TGM3: variants seen among roughly 807,000 people sequenced by gnomAD.
TGM3 encodes protein-glutamine gamma-glutamyltransferase E.
TGM3 carries 52 observed loss-of-function variants against 73.8 expected under a neutral mutation model. That is an observed-to-expected ratio of 0.70 (90% CI 0.56 to 0.89). TGM3 has a LOEUF of 0.89. Ranked by LOEUF, TGM3 falls within the 40% of genes least tolerant of loss-of-function variation. The pLI is 0.00. For synonymous variants in TGM3, 372 were observed against 354.9 expected (o/e 1.05, Z -0.54); for missense variants, 928 against 909.9 (o/e 1.02, Z -0.26).
intron 7 of TGM3, among the ~76,000 whole-genome samples, chr20:2,321,624 C>T (rs930917002): frequency 2.6e-5 from 4 of 152,042 alleles, no homozygotes; most frequent in Non-Finnish European, 4.4e-5. Context: ...ATGAGAGCAG[C>T]GGAAATCTGC....
At chr20:2,297,972 C>A (rs1356015143) in intron 1 of TGM3, among the ~76,000 whole-genome samples, 1 of 151,934 alleles carries the variant, frequency 6.6e-6, no homozygotes, top group African/African-American at 2.4e-5. Flanking sequence ...CTACGGGGAC[C>A]AACAAGAGAA....
chr20:2,314,507 C>T lies in TGM3; in HGVS notation c.669+1481C>T, dbSNP rs1219689063. On this transcript the variant is annotated intron_variant, in intron 5 of 12. Coordinates refer to ENST00000381458, the MANE Select transcript of TGM3 (RefSeq NM_003245.4). ...AGGAGTGTGAGACCAGCCTGGACAA[C>T]ATAGTGAGACCTCATCTACACATAC... Among the ~76,000 whole-genome samples, 3 of 148,860 alleles carry T rather than the reference C, an allele frequency of 2.0e-5. 1 individual carries two copies. In the South Asian group the frequency reaches 6.5e-4, roughly 32 times the overall value.
intron 7 of TGM3, among the ~76,000 whole-genome samples, chr20:2,319,108 G>A (rs2084250364): frequency 6.6e-6 from 1 of 152,222 alleles, no homozygotes; most frequent in Non-Finnish European, 1.5e-5. Context: ...TCATGAATGA[G>A]TGTCTTCTTT....
rs2084373314 is a variant in TGM3, at chr20:2,340,113, G to A, written c.1934+126G>A. The A allele has an allele frequency of 1.7e-5, 21 of 1,221,860 alleles. No individual in the cohort carries two copies. The South Asian group carries it at 2.9e-4, about 17-fold the overall frequency. The allele number at this position is 1,221,860 out of a possible 1,614,324, so 75.7% of individuals were successfully genotyped here. A position where few individuals can be genotyped will look rare whatever the true frequency, so the allele number is the denominator to read the frequency against. ...GGTTCTTTACTCTTTTGGGGGTCTT[G>A]GAACTCTAGAATCTGCTTTTGCATT... On this transcript the variant is annotated intron_variant, in intron 12 of 12. Transcript: ENST00000381458.
At chr20:2,338,357 GA>G (rs923602925) in intron 11 of TGM3, among the ~76,000 whole-genome samples, 2 of 151,190 alleles carry the variant, frequency 1.3e-5, no homozygotes, top group Admixed American at 6.6e-5. Flanking sequence ...ATTAAAAAAA[GA>G]AAAAAAAGCA....
rs1600709011 is a variant in TGM3, at chr20:2,334,979, C to A, written c.1643-137C>A. 2.7e-6 allele frequency: 3 copies of A among 1,112,704 alleles called. No homozygotes were observed. The African/African-American group carries it at 4.7e-5, about 17-fold the overall frequency. 68.9% of individuals were successfully genotyped at this position (1,112,704 alleles called of 1,614,324 possible). A position where few individuals can be genotyped will look rare whatever the true frequency, so the allele number is the denominator to read the frequency against. ...GGGACGCTTCCCACAGGACCTGGCC[C>A]AAGGAGGGCTCAGTCAAGCCCGGGG... is the stretch of plus-strand genomic sequence containing the variant. On this transcript the variant is annotated intron_variant, in intron 10 of 12. Transcript: ENST00000381458. This position sits in a 1 kb window ranked among gnomAD's most constrained non-coding sequence, Gnocchi z 4.0.
At chr20:2,323,031 T>C (rs1486904218) in intron 7 of TGM3, among the ~76,000 whole-genome samples, 2 of 152,234 alleles carry the variant, frequency 1.3e-5, no homozygotes, top group Non-Finnish European at 2.9e-5. Context: ...AGCTTTATCA[T>C]ACATCTACAT....
At chr20:2,330,179 A>G (rs1186280670) in intron 9 of TGM3, among the ~76,000 whole-genome samples, 1 of 152,214 alleles carries the variant, frequency 6.6e-6, no homozygotes, top group African/African-American at 2.4e-5. Flanking sequence ...AGGGCCCCAG[A>G]GAGGAAAAGC....
At chr20:2,317,295 T>C (rs1219627798) in intron 6 of TGM3, 50 bp downstream of exon 6, 2 of 1,613,876 alleles carry the variant, frequency 1.2e-6, no homozygotes, top group Admixed American at 3.3e-5. Context: ...GGCAGTGGGC[T>C]ATGCCAAGGT....
At chr20:2,316,436 GC>G (rs1568626428) in intron 5 of TGM3, among the ~76,000 whole-genome samples, 1 of 55,684 alleles carries the variant, frequency 1.8e-5, no homozygotes, top group African/African-American at 4.6e-5. Flanking sequence ...ATGGTGGCAC[GC>G]ATTAACACCA....
In TGM3 at chr20:2,340,871, A is replaced by G. The variant is rs1166532502; in HGVS notation, c.*290A>G. On this transcript the variant is annotated 3_prime_UTR_variant, in exon 13 of 13. Coordinates refer to ENST00000381458, the MANE Select transcript of TGM3 (RefSeq NM_003245.4). The stretch of plus-strand genomic sequence containing the variant: ...CCCTGCTCATTCCTCACGCCCTTCA[A>G]TGCTGCAGGATGGACTGGCCCCTGA... 7 of 540,796 alleles carry G rather than the reference A, an allele frequency of 1.3e-5. No homozygotes were observed. The highest frequency in any genetic ancestry group is 4.5e-5 in the Admixed American group (2 of 44,876). The allele number at this position is 540,796 out of a possible 1,614,324, so 33.5% of individuals were successfully genotyped here. A position where few individuals can be genotyped will look rare whatever the true frequency, so the allele number is the denominator to read the frequency against.
At position 2,309,781 on chromosome 20, in the gene TGM3, G is replaced by A; in HGVS notation, c.132G>A (p.Met44Ile). Residue 44 changes from methionine (M) to isoleucine (I), a missense_variant, in exon 2 of 13, where the codon ATG (methionine) becomes ATA (isoleucine). By Grantham distance (10) the Met-to-Ile change is conservative. Transcript: ENST00000381458. ...AAAACTTCCAGGTCTTAATGATCAT[G>A]AACAAAGGCCTTGGCTCTAACGAAA... ...RGQNFQVLMI[M>I]NKGLGSNERL... 6.2e-7 allele frequency: 1 copy of A among 1,614,202 alleles called. No individual in the cohort carries two copies. Among genetic ancestry groups the A allele is most frequent in the South Asian group, 1.1e-5 (1 of 91,086 alleles).
chr20:2,297,865 GC>G (rs2122201318), intron 1 of TGM3, among the ~76,000 whole-genome samples: 1 of 152,320 alleles, frequency 6.6e-6, no homozygotes, highest in South Asian at 2.1e-4. Flanking sequence ...GTCCTCGGTA[GC>G]TTTTAGTCTG....
intron 1 of TGM3, among the ~76,000 whole-genome samples, chr20:2,303,115 A>G (rs2122209971): frequency 6.6e-6 from 1 of 152,268 alleles, no homozygotes; most frequent in East Asian, 1.9e-4. Flanking sequence ...GATGGCCAAC[A>G]TGGCGAAACC....
At position 2,328,310 on chromosome 20, in the gene TGM3, G is replaced by A. The variant is rs1446142638; in HGVS notation, c.1278G>A (p.Lys426=). 1.1e-5 allele frequency: 18 copies of A among 1,614,166 alleles called. No homozygotes were observed. The highest frequency in any genetic ancestry group is 1.5e-5 in the Non-Finnish European group (18 of 1,180,040). The change falls in exon 9 of 13, where the codon AAG becomes AAA. Residue 426 remains lysine, a synonymous_variant. Coordinates refer to ENST00000381458, the MANE Select transcript of TGM3 (RefSeq NM_003245.4). This position sits in a 1 kb window ranked among gnomAD's most constrained non-coding sequence, Gnocchi z 5.2. ...CCATTGGCAGGTACATCAGCACCAA[G>A]GCGGTGGGCAGCAATGCTCGCATGG... ...SHTIGRYIST[K]AVGSNARMDV... is the part of the protein sequence containing the mutation.
chr20:2,305,737 C>T (rs145527696), intron 1 of TGM3, among the ~76,000 whole-genome samples: 2 of 152,300 alleles, frequency 1.3e-5, no homozygotes, highest in African/African-American at 4.8e-5. Context: ...AGTGCAAATG[C>T]GAGCTCTGGA....
chr20:2,334,259 T>C lies in TGM3; in HGVS notation c.1643-857T>C, dbSNP rs970324032. ...TGTTTTGTCTGCAGAACAAGAAGTG[T>C]GGAAGGTTCTTTTAAGGGACAGGTG... On this transcript the variant is annotated intron_variant, in intron 10 of 12. Coordinates refer to ENST00000381458, the MANE Select transcript of TGM3 (RefSeq NM_003245.4). This position sits in a 1 kb window ranked among gnomAD's most constrained non-coding sequence, Gnocchi z 4.0. 6.6e-6 allele frequency among the ~76,000 whole-genome samples: 1 copy of C among 152,082 alleles called. No individual in the cohort carries two copies. Among genetic ancestry groups the C allele is most frequent in the Non-Finnish European group, 1.5e-5 (1 of 68,004 alleles).
At chr20:2,312,850 T>C in intron 4 of TGM3, 48 bp from the exon 5 acceptor site, 1 of 1,609,302 alleles carries the variant, frequency 6.2e-7, no homozygotes, top group East Asian at 2.2e-5. Context: ...TTGAGCCAAC[T>C]CTCCTTGTCA....
intron 4 of TGM3, 22 bp from the exon 5 acceptor site, chr20:2,312,876 T>C (rs925695667): frequency 8.1e-6 from 13 of 1,613,528 alleles, no homozygotes; most frequent in Non-Finnish European, 9.3e-6. Flanking sequence ...TTAATTGTAA[T>C]GTATGGTCTC....
Sources: gnomAD v4.1 joint callset for allele counts (sites outside exome capture counted in the v4.1 genomes callset) on GRCh38, gnomAD v4.1.1 for gene constraint, Gnocchi (gnomAD v3.1) non-coding constraint, MANE v1.5 for transcripts, NCBI Gene and HGNC (gene_info 2026-07-23, HGNC 2026-07-21) for gene names.